Variants in PCDHA1 observed in about 807,000 individuals in gnomAD.
The protein encoded by PCDHA1 is protocadherin alpha-1.
In PCDHA1, 42 loss-of-function variants were observed where a neutral mutation model predicts 61.3. That is an observed-to-expected ratio of 0.69 (90% CI 0.54 to 0.89). The LOEUF (loss-of-function observed/expected upper bound fraction) is 0.89, where lower values mean the gene tolerates loss of function less well. PCDHA1 is among the 40% of genes least tolerant of loss of function. The pLI is 0.00. For missense variants in PCDHA1, 1,256 were observed against 1,235.3 expected (o/e 1.02, Z -0.25); for synonymous variants, 610 against 553.8 (o/e 1.10, Z -1.43).
chr5:140,856,173 C>T (rs782775861), intron 1 of PCDHA1: 10 of 1,598,116 alleles, frequency 6.3e-6, no homozygotes, highest in African/African-American at 1.3e-5. Flanking sequence ...AGACACGGCA[C>T]CTTCGTGGGC....
In PCDHA1 at chr5:140,856,896, T is replaced by C. The variant is rs2044262669; in HGVS notation, c.2394+68212T>C. 1.3e-6 allele frequency: 2 copies of C among 1,596,700 alleles called. No homozygotes were observed. Among genetic ancestry groups the C allele is most frequent in the African/African-American group, 1.3e-5 (1 of 74,376 alleles). ...GAAATGATGTATTCATTTAGCTCTT[T>C]GGTCCCACCCACGATAAGAAGGAAA... is the stretch of plus-strand genomic sequence containing the variant. On this transcript the variant is annotated intron_variant, in intron 1 of 3. Transcript: ENST00000504120.
intron 1 of PCDHA1, among the ~76,000 whole-genome samples, chr5:140,959,108 C>T (rs1299073504): frequency 1.3e-5 from 2 of 151,918 alleles, no homozygotes; most frequent in East Asian, 3.9e-4. Flanking sequence ...AGCAGGGGTC[C>T]GAAGGTGGGC....
chr5:140,793,423 T>A (rs1360667932), intron 1 of PCDHA1, among the ~76,000 whole-genome samples: 1 of 152,214 alleles, frequency 6.6e-6, no homozygotes, highest in African/African-American at 2.4e-5. Flanking sequence ...AATACACATT[T>A]CCATAGATGG....
intron 1 of PCDHA1, among the ~76,000 whole-genome samples, chr5:140,874,252 G>A (rs532178726): frequency 6.6e-6 from 1 of 152,286 alleles, no homozygotes; most frequent in Non-Finnish European, 1.5e-5. Flanking sequence ...TTGGTTTAAA[G>A]ATTTTGACTT....
At position 140,851,650 on chromosome 5, in the gene PCDHA1, G is replaced by C. The variant is rs1324719591; in HGVS notation, c.2394+62966G>C. The C allele has an allele frequency of 4.4e-6, 4 of 912,450 alleles. No homozygotes were observed. The African/African-American group carries it at 7.2e-5, about 16-fold the overall frequency. 56.5% of individuals were successfully genotyped at this position (912,450 alleles called of 1,614,324 possible). ...AACAAGTGTTTCCTTTCTTCAAGAA[G>C]ACATTCTCCTTTTAATTGAAATTTT... On this transcript the variant is annotated intron_variant, in intron 1 of 3. Transcript: ENST00000504120.
intron 1 of PCDHA1, chr5:140,843,171 G>C: frequency 6.3e-7 from 1 of 1,596,072 alleles, no homozygotes; most frequent in Non-Finnish European, 8.6e-7. Context: ...GCTGCAAGCA[G>C]CCCTCGCATC....
chr5:140,795,888 A>G, intron 1 of PCDHA1: 1 of 1,614,050 alleles, frequency 6.2e-7, no homozygotes, highest in Non-Finnish European at 8.5e-7. Flanking sequence ...AGGGAAAATT[A>G]GATTATGAAG....
rs782691695 is a variant in PCDHA1, at chr5:140,863,160, G to C, written c.2394+74476G>C. The C allele has an allele frequency of 6.2e-6, 4 of 647,644 alleles. No individual in the cohort carries two copies. The Admixed American group carries it at 7.5e-5, about 12-fold the overall frequency. 40.1% of individuals were successfully genotyped at this position (647,644 alleles called of 1,614,324 possible). A position where few individuals can be genotyped will look rare whatever the true frequency, so the allele number is the denominator to read the frequency against. ...TGGTGCTGGTGAAGGACCACTGCGA[G>C]CTGGCGCTGACTGCCACCGTCACCG... On this transcript the variant is annotated intron_variant, in intron 1 of 3. Transcript: ENST00000504120.
In PCDHA1 at chr5:141,010,640, G is replaced by A. The variant is rs2098417874; in HGVS notation, c.*703G>A. The A allele has an allele frequency of 5.6e-6, 1 of 179,322 alleles. No homozygotes were observed. Among genetic ancestry groups the A allele is most frequent in the South Asian group, 1.4e-4 (1 of 7,048 alleles). 11.1% of individuals were successfully genotyped at this position (179,322 alleles called of 1,614,324 possible). A position where few individuals can be genotyped will look rare whatever the true frequency, so the allele number is the denominator to read the frequency against. On this transcript the variant is annotated 3_prime_UTR_variant, in exon 4 of 4. Transcript: ENST00000504120. ...TCTGCATCATACCTGCAAGCCAACA[G>A]TTCAGTGTTTTAACAGAGAACCACC...
chr5:140,933,945 T>A (rs1435633780), intron 1 of PCDHA1, among the ~76,000 whole-genome samples: 1 of 152,084 alleles, frequency 6.6e-6, no homozygotes, highest in Non-Finnish European at 1.5e-5. Flanking sequence ...TTTTCACATC[T>A]GCAGGATCTG....
At chr5:140,852,880 A>C in intron 1 of PCDHA1, 1 of 943,656 alleles carries the variant, frequency 1.1e-6, no homozygotes, top group Non-Finnish European at 1.3e-6. Context: ...ATAATCATAA[A>C]ACGTATTTTT....
intron 1 of PCDHA1, among the ~76,000 whole-genome samples, chr5:140,818,648 G>T (rs1766410159): frequency 6.6e-6 from 1 of 152,298 alleles, no homozygotes; most frequent in South Asian, 2.1e-4. Context: ...ATGAGCCTGA[G>T]CAATATAGGG....
chr5:141,009,178 G>A (rs1233603015), intron 3 of PCDHA1, among the ~76,000 whole-genome samples: 1 of 152,212 alleles, frequency 6.6e-6, no homozygotes, highest in African/African-American at 2.4e-5. Context: ...GCCTTGGCTG[G>A]GTGTGGTAGC....
chr5:140,904,177 AC>A (rs1185990725), intron 1 of PCDHA1, among the ~76,000 whole-genome samples: 1 of 151,302 alleles, frequency 6.6e-6, no homozygotes, highest in Non-Finnish European at 1.5e-5. Flanking sequence ...TTTATTCCTC[AC>A]CCCCTTCCCA....
At chr5:140,805,639 A>T (rs1291118758) in intron 1 of PCDHA1, 1 of 873,032 alleles carries the variant, frequency 1.1e-6, no homozygotes, top group Non-Finnish European at 1.4e-6. Context: ...TGGTTTATTT[A>T]TTGGGAAGTC....
intron 1 of PCDHA1, chr5:140,877,684 A>G (rs1247391418): frequency 1.9e-6 from 3 of 1,613,650 alleles, no homozygotes; most frequent in Non-Finnish European, 2.5e-6. Flanking sequence ...GGGCAAGCCC[A>G]CGCTGGTGTG....
intron 1 of PCDHA1, chr5:140,802,640 C>T (rs782385485): frequency 3.1e-6 from 5 of 1,613,634 alleles, no homozygotes; most frequent in Non-Finnish European, 4.2e-6. Context: ...CTGCGCGGGA[C>T]GCGGACGCGC....
intron 1 of PCDHA1, among the ~76,000 whole-genome samples, chr5:140,901,318 T>A (rs1337437902): frequency 6.6e-6 from 1 of 152,202 alleles, no homozygotes; most frequent in African/African-American, 2.4e-5. Flanking sequence ...TTCCCCAATG[T>A]TTTCTTGTAG....
chr5:141,000,616 C>A (rs1227863226), intron 3 of PCDHA1, among the ~76,000 whole-genome samples: 1 of 150,774 alleles, frequency 6.6e-6, no homozygotes, highest in African/African-American at 2.4e-5. Context: ...TTAGTAGAGA[C>A]AGGGTTTCAC....
Sources: allele counts gnomAD v4.1 joint callset (sites outside exome capture counted in the v4.1 genomes callset), GRCh38; gene constraint gnomAD v4.1.1; transcripts MANE v1.5; gene names NCBI Gene and HGNC (gene_info 2026-07-23, HGNC 2026-07-21).